PTPRD: variants seen among roughly 807,000 people sequenced by gnomAD.
PTPRD encodes the protein protein tyrosine phosphatase receptor type D, also known as receptor-type tyrosine-protein phosphatase delta.
PTPRD carries 34 observed loss-of-function variants against 214.5 expected under a neutral mutation model. The ratio of observed to expected loss-of-function variants is 0.16; its 90% CI spans 0.12 to 0.21. PTPRD has a LOEUF of 0.21. PTPRD is among the 10% of genes least tolerant of loss of function. PTPRD has a pLI of 1.00. For synonymous variants in PTPRD, 1,128 were observed against 845.7 expected (o/e 1.33, Z -5.79); for missense variants, 2,545 against 2,398.7 (o/e 1.06, Z -1.27).
intron 9 of PTPRD, among the ~76,000 whole-genome samples, chr9:9,311,872 T>C (rs938940358): frequency 1.3e-5 from 2 of 152,192 alleles, no homozygotes; most frequent in Admixed American, 6.5e-5. Context: ...TTTAAAGCAA[T>C]TCATTAAATT....
At chr9:8,366,492 A>T (rs1702754600) in intron 39 of PTPRD, among the ~76,000 whole-genome samples, 1 of 152,196 alleles carries the variant, frequency 6.6e-6, no homozygotes, top group South Asian at 2.1e-4. Flanking sequence ...AAAAACAAAA[A>T]ATGAAAAATA....
chr9:9,134,921 C>A (rs995382191), intron 10 of PTPRD, among the ~76,000 whole-genome samples: 1 of 152,088 alleles, frequency 6.6e-6, no homozygotes, highest in African/African-American at 2.4e-5. Context: ...AGTTATGTCA[C>A]AGGATGTAAT....
chr9:9,850,258 C>G (rs1477269447), intron 5 of PTPRD, among the ~76,000 whole-genome samples: 11 of 152,128 alleles, frequency 7.2e-5, no homozygotes, highest in South Asian at 6.2e-4. Context: ...CAGACGCATT[C>G]TAAACTTGAG....
At chr9:8,556,447 T>C (rs965542248) in intron 14 of PTPRD, among the ~76,000 whole-genome samples, 6 of 152,156 alleles carry the variant, frequency 3.9e-5, no homozygotes, top group African/African-American at 9.7e-5. Context: ...TGCTTGGAAA[T>C]GGCTGAAAGT....
At chr9:8,353,174 G>C (rs569518023) in intron 39 of PTPRD, among the ~76,000 whole-genome samples, 1 of 152,204 alleles carries the variant, frequency 6.6e-6, no homozygotes, top group South Asian at 2.1e-4. Context: ...CCAATAGTTT[G>C]GAAGGCTCTA....
At chr9:9,373,418 A>G (rs1324087324) in intron 9 of PTPRD, among the ~76,000 whole-genome samples, 1 of 152,140 alleles carries the variant, frequency 6.6e-6, no homozygotes, top group East Asian at 1.9e-4. Context: ...CAAATCGCAT[A>G]CTACATAATT....
intron 3 of PTPRD, among the ~76,000 whole-genome samples, chr9:10,050,915 C>T (rs1248726092): frequency 6.6e-6 from 1 of 152,010 alleles, no homozygotes; most frequent in Non-Finnish European, 1.5e-5. Flanking sequence ...ATTCACTTTC[C>T]TGTTTAAACA....
intron 2 of PTPRD, among the ~76,000 whole-genome samples, chr9:10,363,494 T>C (rs1004698102): frequency 7.2e-5 from 11 of 152,248 alleles, no homozygotes; most frequent in Admixed American, 3.3e-4. Context: ...TCACATGTGA[T>C]GTTAAATTCT....
chr9:8,506,378 T>C (rs971664221), intron 22 of PTPRD, among the ~76,000 whole-genome samples: 7 of 152,158 alleles, frequency 4.6e-5, no homozygotes, highest in East Asian at 1.9e-4. Context: ...AAAAGAAACA[T>C]ACTTACTACT....
At chr9:8,816,003 A>G (rs954121506) in intron 11 of PTPRD, among the ~76,000 whole-genome samples, 7 of 152,216 alleles carry the variant, frequency 4.6e-5, no homozygotes, top group African/African-American at 1.4e-4. Flanking sequence ...CATTTACCCC[A>G]TAACAAAGGA....
At chr9:10,514,852 A>G (rs1475510881) in intron 2 of PTPRD, among the ~76,000 whole-genome samples, 1 of 152,060 alleles carries the variant, frequency 6.6e-6, no homozygotes, top group Non-Finnish European at 1.5e-5. Context: ...AGAAACATAC[A>G]TGTTTACATA....
At chr9:9,924,856 A>T (rs1188305610) in intron 5 of PTPRD, among the ~76,000 whole-genome samples, 1 of 152,112 alleles carries the variant, frequency 6.6e-6, no homozygotes, top group African/African-American at 2.4e-5. Context: ...ATTTGTTGCT[A>T]GTAATGTTAG....
intron 11 of PTPRD, among the ~76,000 whole-genome samples, chr9:8,738,143 G>A (rs1226714546): frequency 3.3e-5 from 5 of 152,140 alleles, no homozygotes; most frequent in East Asian, 1.9e-4. Context: ...ATGGGTGGTT[G>A]GAGAAACTAA....
At chr9:9,734,452 TA>T (rs2098257224) in intron 7 of PTPRD, 80 bp downstream of exon 7, 1 of 151,098 alleles carries the variant, frequency 6.6e-6, no homozygotes, top group Admixed American at 6.6e-5. Context: ...GACACAGAAA[TA>T]AAAACATACT....
intron 11 of PTPRD, among the ~76,000 whole-genome samples, chr9:8,764,607 C>T (rs1053864246): frequency 2.0e-5 from 3 of 151,870 alleles, no homozygotes; most frequent in East Asian, 1.9e-4. Flanking sequence ...ACTAGCCTGG[C>T]CAACATGGTG....
At chr9:9,165,316 C>G (rs1247527475) in intron 10 of PTPRD, among the ~76,000 whole-genome samples, 1 of 152,096 alleles carries the variant, frequency 6.6e-6, no homozygotes, top group Non-Finnish European at 1.5e-5. Flanking sequence ...GTCAGGACTT[C>G]TTAATTTTGA....
intron 7 of PTPRD, among the ~76,000 whole-genome samples, chr9:9,595,788 CAG>C (rs1386621052): frequency 6.6e-6 from 1 of 151,352 alleles, no homozygotes; most frequent in Non-Finnish European, 1.5e-5. Context: ...TTTGAGGACT[CAG>C]GGGGAAAGGG....
chr9:9,780,957 A>C (rs566018626), intron 5 of PTPRD, among the ~76,000 whole-genome samples: 17 of 152,342 alleles, frequency 1.1e-4, no homozygotes, highest in Admixed American at 1.0e-3. Context: ...TGTATATTCC[A>C]AGTGTATGAC....
chr9:9,376,276 G>A (rs991976593), intron 9 of PTPRD, among the ~76,000 whole-genome samples: 1 of 152,084 alleles, frequency 6.6e-6, no homozygotes, highest in Admixed American at 6.6e-5. Flanking sequence ...ACAAATGCCT[G>A]GATGACCACT....
Sources: allele counts gnomAD v4.1 joint callset (sites outside exome capture counted in the v4.1 genomes callset), GRCh38; gene constraint gnomAD v4.1.1; transcripts MANE v1.5; gene names NCBI Gene and HGNC (gene_info 2026-07-23, HGNC 2026-07-21).